Variants in SLC16A14 observed in about 807,000 individuals in gnomAD.
SLC16A14 encodes the protein solute carrier family 16 member 14, also known as monocarboxylate transporter 14.
SLC16A14 carries 14 observed loss-of-function variants against 35.8 expected under a neutral mutation model. The observed-to-expected ratio is 0.39, with a 90% CI of 0.26 to 0.61. The LOEUF (loss-of-function observed/expected upper bound fraction) is 0.61, where lower values mean the gene tolerates loss of function less well. Among genes scored for constraint, SLC16A14 ranks in the 20% least tolerant of loss-of-function variants. The pLI is 0.51. For synonymous variants in SLC16A14, 248 were observed against 258.9 expected (o/e 0.96, Z 0.40); for missense variants, 533 against 655.0 (o/e 0.81, Z 2.03).
intron 2 of SLC16A14, among the ~76,000 whole-genome samples, chr2:230,054,079 C>T (rs1158051180): frequency 1.2e-5 from 1 of 84,954 alleles, no homozygotes; most frequent in Non-Finnish European, 2.8e-5. Context: ...CCAGGTGCAG[C>T]CTGAGGTGGG....
In SLC16A14 at chr2:230,060,734, G is replaced by A. The variant is rs529753610; in HGVS notation, c.-14-1368C>T. Among the ~76,000 whole-genome samples, 8 of 152,004 alleles carry A rather than the reference G, an allele frequency of 5.3e-5. No homozygotes were observed. In the South Asian group the frequency reaches 1.7e-3, roughly 32 times the overall value. On this transcript the variant is annotated intron_variant, in intron 1 of 4. Transcript: ENST00000295190. ...GTGTGTGTATAAAGACTGAGGATAAGGAGCAGGAGTCGGGGGTGGAGAGAG... is the reference window on the plus strand; with the variant it reads ...GTGTGTGTATAAAGACTGAGGATAAAGAGCAGGAGTCGGGGGTGGAGAGAG...
chr2:230,044,239 C>T lies in SLC16A14; in HGVS notation c.1381+1506G>A, dbSNP rs190861987. ...CTGTAATCCCAGCACTTTGGGAGGC[C>T]GAGGCAGGAGGGATCACAAGGTCAG... On this transcript the variant is annotated intron_variant, in intron 4 of 4. Transcript: ENST00000295190. 3.3e-5 allele frequency among the ~76,000 whole-genome samples: 5 copies of T among 149,510 alleles called. No individual in the cohort carries two copies. The East Asian group carries it at 7.9e-4, about 24-fold the overall frequency.
intron 1 of SLC16A14, among the ~76,000 whole-genome samples, chr2:230,065,042 T>C (rs568831440): frequency 6.6e-6 from 1 of 152,312 alleles, no homozygotes; most frequent in East Asian, 1.9e-4. Flanking sequence ...GAAAAAGTTA[T>C]AGTTTTTCAG....
intron 3 of SLC16A14, among the ~76,000 whole-genome samples, chr2:230,047,507 G>A (rs142411424): frequency 3.9e-5 from 6 of 152,130 alleles, no homozygotes; most frequent in Non-Finnish European, 8.8e-5. Context: ...GTTTCACCAT[G>A]TTGCCCAAGC....
chr2:230,040,631 C>T (rs1290094896), intron 4 of SLC16A14, among the ~76,000 whole-genome samples: 1 of 151,922 alleles, frequency 6.6e-6, no homozygotes, highest in Non-Finnish European at 1.5e-5. Context: ...TAACTCATGT[C>T]AGTTTTTTTT....
chr2:230,039,405 G>A (rs1372536320), intron 4 of SLC16A14, among the ~76,000 whole-genome samples: 1 of 151,874 alleles, frequency 6.6e-6, no homozygotes, highest in Non-Finnish European at 1.5e-5. Context: ...GAGACAAGGG[G>A]GACAAAAAAG....
At chr2:230,049,310 C>T (rs955031683) in intron 3 of SLC16A14, among the ~76,000 whole-genome samples, 1 of 150,810 alleles carries the variant, frequency 6.6e-6, no homozygotes. Flanking sequence ...GAACTCCTGG[C>T]CTCAAGTGAT....
chr2:230,039,299 G>C (rs2077541197), intron 4 of SLC16A14, among the ~76,000 whole-genome samples: 1 of 151,600 alleles, frequency 6.6e-6, no homozygotes, highest in Non-Finnish European at 1.5e-5. Context: ...TTTTGAATTT[G>C]TTATTTGATG....
At chr2:230,065,887 T>C (rs2106283810) in intron 1 of SLC16A14, among the ~76,000 whole-genome samples, 1 of 152,278 alleles carries the variant, frequency 6.6e-6, no homozygotes, top group East Asian at 1.9e-4. Flanking sequence ...CTAGGCTCCA[T>C]GTCTTTGACC....
At chr2:230,049,963 A>C in intron 2 of SLC16A14, 59 bp from the exon 3 acceptor site, 133 of 1,571,894 alleles carry the variant, frequency 8.5e-5, no homozygotes, top group Non-Finnish European at 1.1e-4. Flanking sequence ...ATTCTTTCTC[A>C]TAAATCTTCA....
At position 230,046,516 on chromosome 2, in the gene SLC16A14, C is replaced by G. The variant is rs1282038584; in HGVS notation, c.610G>C (p.Val204Leu). 1 of 1,614,016 alleles carries G rather than the reference C, an allele frequency of 6.2e-7. No individual in the cohort carries two copies. Among genetic ancestry groups the G allele is most frequent in the African/African-American group, 1.3e-5 (1 of 75,066 alleles). Reference sequence around the variant, plus strand: ...AGGGGCCTCATGAGCGCCCCACAAACACACAGGTTTAGGGAAACGGCACCT... The same window carrying G: ...AGGGGCCTCATGAGCGCCCCACAAAGACACAGGTTTAGGGAAACGGCACCT... ...IQGAVSLNLC[V>L]CGALMRPLSP... The change falls in exon 4 of 5, where the codon GTT becomes CTT. Residue 204 changes from valine (V) to leucine (L), a missense_variant. Val to Leu is a conservative substitution (Grantham distance 32). Transcript: ENST00000295190. The surrounding 1 kb of genome is among the most constrained non-coding windows in gnomAD (Gnocchi z 5.0).
rs2077513814 is a variant in SLC16A14, at chr2:230,035,567, ATTATCT to A, written c.*1807_*1812del. ...GAGGGAGCATTGCCTCAGCTTTAAG[ATTATCT>A]TTATCAAAATAGAGAGCTGGATTCT... is the stretch of plus-strand genomic sequence containing the variant. On this transcript the variant is annotated 3_prime_UTR_variant, in exon 5 of 5. Coordinates refer to ENST00000295190, the MANE Select transcript of SLC16A14 (RefSeq NM_152527.5). 1 of 152,488 alleles carries A rather than the reference ATTATCT, an allele frequency of 6.6e-6. No homozygotes were observed. Among genetic ancestry groups the A allele is most frequent in the Non-Finnish European group, 1.5e-5 (1 of 68,034 alleles). The allele number at this position is 152,488 out of a possible 1,614,324, so 9.4% of individuals were successfully genotyped here. A position where few individuals can be genotyped will look rare whatever the true frequency, so the allele number is the denominator to read the frequency against.
At chr2:230,064,314 A>ATGTGTGTG (rs55698485) in intron 1 of SLC16A14, among the ~76,000 whole-genome samples, 1 of 128,418 alleles carries the variant, frequency 7.8e-6, no homozygotes, top group Admixed American at 7.5e-5. Flanking sequence ...GTGTGTGTGT[A>ATGTGTGTG]TGTGTGTGTG....
intron 3 of SLC16A14, among the ~76,000 whole-genome samples, chr2:230,048,813 C>T (rs1268093585): frequency 6.7e-6 from 1 of 148,362 alleles, no homozygotes; most frequent in Non-Finnish European, 1.5e-5. Flanking sequence ...ATCCCAGCTA[C>T]TTGGGAGACT....
At chr2:230,042,680 C>T (rs73998721) in intron 4 of SLC16A14, among the ~76,000 whole-genome samples, 19,748 of 152,180 alleles carry the variant, frequency 0.13, 1,341 homozygotes, top group Middle Eastern at 0.21. Context: ...GCACCATTGG[C>T]GGACTGATTC....
intron 2 of SLC16A14, among the ~76,000 whole-genome samples, chr2:230,051,328 A>T (rs1181503349): frequency 6.6e-6 from 1 of 151,956 alleles, no homozygotes; most frequent in East Asian, 1.9e-4. Flanking sequence ...TGTCCTGCTA[A>T]TTTTGTATTT....
At position 230,045,770 on chromosome 2, in the gene SLC16A14, A is replaced by G. The variant is rs1329272737; in HGVS notation, c.1356T>C (p.Ser452=). The G allele has an allele frequency of 1.2e-6, 2 of 1,614,240 alleles. No individual in the cohort carries two copies. The highest frequency in any genetic ancestry group is 8.5e-7 in the Non-Finnish European group (1 of 1,180,046). The part of the protein sequence containing the change: ...YGIIICANGI[S]ALLGPPFAGW... ...CTGCAAAAGGTGGTCCCAGCAATGC[A>G]GAGATGCCATTAGCACAGATGATGA... Residue 452 remains serine, a synonymous_variant, in exon 4 of 5, where the codon TCT becomes TCC. Coordinates refer to ENST00000295190, the MANE Select transcript of SLC16A14 (RefSeq NM_152527.5).
chr2:230,044,180 G>A (rs1360247718), intron 4 of SLC16A14, among the ~76,000 whole-genome samples: 1 of 152,032 alleles, frequency 6.6e-6, no homozygotes, highest in Non-Finnish European at 1.5e-5. Flanking sequence ...ACCCTTATAA[G>A]TGAAAGGAGG....
chr2:230,067,563 TCTCTCTCTCA>T (rs1182959570), intron 1 of SLC16A14, among the ~76,000 whole-genome samples: 4 of 48,858 alleles, frequency 8.2e-5, no homozygotes, highest in African/African-American at 2.2e-4. Flanking sequence ...TCTCTCTCTC[TCTCTCTCTCA>T]CACACACACA....
Sources: allele counts gnomAD v4.1 joint callset (sites outside exome capture counted in the v4.1 genomes callset), GRCh38; gene constraint gnomAD v4.1.1; non-coding constraint Gnocchi (gnomAD v3.1); transcripts MANE v1.5; gene names NCBI Gene and HGNC (gene_info 2026-07-23, HGNC 2026-07-21).